Variants in PCDHGA5 observed in about 807,000 individuals in gnomAD.
PCDHGA5 encodes protocadherin gamma subfamily A, 5, also known as protocadherin gamma-A5.
In PCDHGA5, 36 loss-of-function variants were observed where a neutral mutation model predicts 56.7. That is an observed-to-expected ratio of 0.64 (90% confidence interval 0.49 to 0.84). The LOEUF (loss-of-function observed/expected upper bound fraction) is 0.84. Ranked by LOEUF, PCDHGA5 falls within the 40% of genes least tolerant of loss-of-function variation. The pLI, the probability that PCDHGA5 is intolerant of heterozygous loss-of-function variation, is 0.00. For missense variants in PCDHGA5, 1,305 were observed against 1,201.5 expected (o/e 1.09, Z -1.27); for synonymous variants, 563 against 520.2 (o/e 1.08, Z -1.12).
intron 1 of PCDHGA5, chr5:141,400,148 G>A (rs377393833): frequency 2.5e-6 from 4 of 1,614,056 alleles, no homozygotes; most frequent in African/African-American, 2.7e-5. Flanking sequence ...ATCACTGACC[G>A]CCCTGTACCC....
intron 1 of PCDHGA5, among the ~76,000 whole-genome samples, chr5:141,402,220 C>T (rs1489596372): frequency 2.0e-5 from 3 of 151,886 alleles, no homozygotes; most frequent in African/African-American, 2.4e-5. Context: ...TTAAAATAAA[C>T]GTTTTTCCAG....
chr5:141,467,874 G>T (rs926647135), intron 1 of PCDHGA5, among the ~76,000 whole-genome samples: 1 of 151,920 alleles, frequency 6.6e-6, no homozygotes, highest in Non-Finnish European at 1.5e-5. Context: ...GCCCAGGCTG[G>T]TCTCAAACTC....
chr5:141,404,680 G>A (rs2094553624), intron 1 of PCDHGA5: 2 of 1,614,042 alleles, frequency 1.2e-6, no homozygotes, highest in Non-Finnish European at 1.7e-6. Context: ...CTGGTGTGGA[G>A]CTGGCACCCC....
At position 141,431,823 on chromosome 5, in the gene PCDHGA5, CG is replaced by C. The variant is rs754257436; in HGVS notation, c.2422-62982del. ...GTGGTCCTCACCTCTCTCGCCAGCTCGGTTCCCGAAAACTCTCCCAGAGGGA... is the reference window on the plus strand; with the variant it reads ...GTGGTCCTCACCTCTCTCGCCAGCTCGTTCCCGAAAACTCTCCCAGAGGGA... On this transcript the variant is annotated intron_variant, in intron 1 of 3. Transcript: ENST00000518069. The surrounding 1 kb of genome is among the most constrained non-coding windows in gnomAD (Gnocchi z 4.8). 2.5e-6 allele frequency: 4 copies of C among 1,614,142 alleles called. No homozygotes were observed. In the East Asian group the frequency reaches 8.9e-5, roughly 36 times the overall value.
chr5:141,478,424 G>A, intron 1 of PCDHGA5: 2 of 1,613,686 alleles, frequency 1.2e-6, no homozygotes, highest in African/African-American at 1.3e-5. Context: ...CCGCCGCAGC[G>A]ACCCGCTGCT....
chr5:141,455,107 C>T (rs1027661420), intron 1 of PCDHGA5, among the ~76,000 whole-genome samples: 20 of 151,774 alleles, frequency 1.3e-4, no homozygotes, highest in Non-Finnish European at 2.4e-4. Context: ...CCACTGCGCC[C>T]GGTGGGTCTA....
intron 1 of PCDHGA5, among the ~76,000 whole-genome samples, chr5:141,451,727 C>A (rs2098722766): frequency 6.6e-6 from 1 of 152,014 alleles, no homozygotes; most frequent in Admixed American, 6.6e-5. Flanking sequence ...ACTAAAAATA[C>A]AAAAATTAGC....
chr5:141,387,653 A>C (rs981670504), intron 1 of PCDHGA5: 11 of 639,608 alleles, frequency 1.7e-5, no homozygotes, highest in Non-Finnish European at 2.9e-5. Context: ...CAAAGTGGAG[A>C]GCTTGGCGCT....
chr5:141,461,037 G>T (rs1254497108), intron 1 of PCDHGA5, among the ~76,000 whole-genome samples: 1 of 150,988 alleles, frequency 6.6e-6, no homozygotes, highest in Non-Finnish European at 1.5e-5. Flanking sequence ...CCACTCATTA[G>T]TCGATGGGGA....
At chr5:141,368,190 GA>G (rs1352069840) in intron 1 of PCDHGA5, among the ~76,000 whole-genome samples, 2 of 152,032 alleles carry the variant, frequency 1.3e-5, no homozygotes, top group African/African-American at 4.8e-5. Flanking sequence ...TAAATAAGGG[GA>G]AAAGGTAATA....
intron 1 of PCDHGA5, among the ~76,000 whole-genome samples, chr5:141,479,979 T>C (rs67253891): frequency 0.061 from 9,352 of 152,266 alleles, 334 homozygotes; most frequent in South Asian, 0.12. Context: ...GTTCTACCAT[T>C]TACCAACTAG....
rs145025535 is a variant in PCDHGA5 at position 141,457,569 on chromosome 5, T to A, written c.2422-37238T>A. 2.5e-3 allele frequency among the ~76,000 whole-genome samples: 376 copies of A among 152,304 alleles called. 1 individual carries two copies. Among genetic ancestry groups the A allele is most frequent in the African/African-American group, 8.6e-3 (357 of 41,554 alleles). On this transcript the variant is annotated intron_variant, in intron 1 of 3. Transcript: ENST00000518069. Reference sequence around the variant, plus strand: ...TGTATGATAAGCTTTGGAGCAAAATTTTTCTCTCCAGTCCTCATTTTTGGT... The same window carrying A: ...TGTATGATAAGCTTTGGAGCAAAATATTTCTCTCCAGTCCTCATTTTTGGT...
rs762910422 is a variant in PCDHGA5, at chr5:141,485,747, C to T, written c.2422-9060C>T. ...GAAGCGCAGCGACGGCAGCCTGGTCCCAGAGCTGCTCCTGGAGAAGCCTTT... is the reference window on the plus strand; with the variant it reads ...GAAGCGCAGCGACGGCAGCCTGGTCTCAGAGCTGCTCCTGGAGAAGCCTTT... On this transcript the variant is annotated intron_variant, in intron 1 of 3. Coordinates refer to ENST00000518069, the MANE Select transcript of PCDHGA5 (RefSeq NM_018918.3). This position sits in a 1 kb window ranked among gnomAD's most constrained non-coding sequence, Gnocchi z 5.7. 1 of 1,614,162 alleles carries T rather than the reference C, an allele frequency of 6.2e-7. No individual in the cohort carries two copies.
intron 1 of PCDHGA5, chr5:141,418,665 A>G: frequency 6.2e-7 from 1 of 1,614,070 alleles, no homozygotes; most frequent in Middle Eastern, 1.6e-4. Flanking sequence ...GCCACTGACC[A>G]GGACGAGGGC....
chr5:141,393,659 G>GA (rs1276688380), intron 1 of PCDHGA5: 7 of 1,613,880 alleles, frequency 4.3e-6, no homozygotes, highest in Middle Eastern at 1.6e-4. Context: ...ACAAATTCCG[G>GA]AAAATTAATG....
chr5:141,421,227 C>T (rs1387397967), intron 1 of PCDHGA5: 1 of 1,587,020 alleles, frequency 6.3e-7, no homozygotes, highest in Non-Finnish European at 8.6e-7. Context: ...TAGAGCCTGC[C>T]ATGGCGAATC....
chr5:141,375,241 C>G (rs774856817), intron 1 of PCDHGA5: 20 of 1,613,942 alleles, frequency 1.2e-5, no homozygotes, highest in Non-Finnish European at 1.7e-5. Context: ...CCTGTTCCAT[C>G]CCGAGAAGTC....
chr5:141,506,216 T>A (rs2237080), intron 3 of PCDHGA5, among the ~76,000 whole-genome samples: 78,167 of 151,604 alleles, frequency 0.52, 20,820 homozygotes, highest in African/African-American at 0.63. Flanking sequence ...TTTGGGAAGC[T>A]GAGGCAGGAG....
intron 1 of PCDHGA5, among the ~76,000 whole-genome samples, chr5:141,453,357 C>T (rs1027586816): frequency 1.3e-5 from 2 of 152,002 alleles, no homozygotes; most frequent in Admixed American, 6.6e-5. Flanking sequence ...TGACCCTGAA[C>T]TCCTGGGGTC....
Sources: allele counts gnomAD v4.1 joint callset (sites outside exome capture counted in the v4.1 genomes callset), GRCh38; gene constraint gnomAD v4.1.1; non-coding constraint Gnocchi (gnomAD v3.1); transcripts MANE v1.5; gene names NCBI Gene and HGNC (gene_info 2026-07-23, HGNC 2026-07-21).